TMTC2: variants seen among roughly 807,000 people sequenced by gnomAD.
The protein encoded by TMTC2 is protein O-mannosyl-transferase TMTC2.
In TMTC2, 43 loss-of-function variants were observed where a neutral mutation model predicts 82.4. The observed-to-expected ratio is 0.52, with a 90% CI of 0.41 to 0.67. The LOEUF (loss-of-function observed/expected upper bound fraction) is 0.67, where lower values mean the gene tolerates loss of function less well. Among genes scored for constraint, TMTC2 ranks in the 30% least tolerant of loss-of-function variants. The probability of loss-of-function intolerance (pLI) is 0.00; values close to 1 mark genes in which losing one functional copy is unlikely to be tolerated. For synonymous variants in TMTC2, 408 were observed against 381.9 expected, an observed-to-expected ratio of 1.07 and a Z score of -0.80; for missense variants, 919 against 1,012.4, an observed-to-expected ratio of 0.91 and a Z score of 1.25.
intron 2 of TMTC2, among the ~76,000 whole-genome samples, chr12:82,883,605 A>G (rs1030670370): frequency 1.3e-5 from 2 of 152,202 alleles, no homozygotes; most frequent in Non-Finnish European, 2.9e-5. Flanking sequence ...ACTGGAACGC[A>G]TCTCATAATA....
intron 1 of TMTC2, among the ~76,000 whole-genome samples, chr12:82,850,456 T>G (rs1437042087): frequency 6.6e-6 from 1 of 151,924 alleles, no homozygotes; most frequent in Non-Finnish European, 1.5e-5. Flanking sequence ...GGTGGAGTCA[T>G]ATAATGGAGA....
chr12:82,928,540 C>G (rs1370667964), intron 3 of TMTC2, among the ~76,000 whole-genome samples: 1 of 152,074 alleles, frequency 6.6e-6, no homozygotes, highest in Non-Finnish European at 1.5e-5. Flanking sequence ...ATACAATTTT[C>G]TATGGACTCA....
At chr12:82,986,752 G>A (rs1352080692) in intron 8 of TMTC2, among the ~76,000 whole-genome samples, 1 of 152,174 alleles carries the variant, frequency 6.6e-6, no homozygotes, top group Non-Finnish European at 1.5e-5. Context: ...TGAGTATGGA[G>A]CATAAAAAAT....
intron 2 of TMTC2, among the ~76,000 whole-genome samples, chr12:82,858,693 T>C (rs973609758): frequency 2.6e-5 from 4 of 152,236 alleles, no homozygotes; most frequent in Non-Finnish European, 4.4e-5. Flanking sequence ...TGCTGTGCTT[T>C]TTCTCTGCTG....
intron 2 of TMTC2, among the ~76,000 whole-genome samples, chr12:82,876,068 G>GGTATTAGTA (rs1872515843): frequency 1.0e-4 from 10 of 100,084 alleles, no homozygotes; most frequent in African/African-American, 4.7e-4. Context: ...TGGTGGTGGT[G>GGTATTAGTA]ATGATGATGA....
At chr12:82,942,603 C>T (rs766708541) in intron 4 of TMTC2, among the ~76,000 whole-genome samples, 8 of 152,118 alleles carry the variant, frequency 5.3e-5, no homozygotes, top group Non-Finnish European at 1.2e-4. Context: ...ACCAGCTATA[C>T]ATTTGTGAAT....
chr12:82,835,546 T>C (rs1869988070), intron 1 of TMTC2, among the ~76,000 whole-genome samples: 1 of 152,212 alleles, frequency 6.6e-6, no homozygotes, highest in African/African-American at 2.4e-5. Flanking sequence ...GTCATTTAAT[T>C]CTTTCAGGAT....
intron 11 of TMTC2, among the ~76,000 whole-genome samples, chr12:83,114,908 T>G (rs1884706252): frequency 6.6e-6 from 1 of 151,978 alleles, no homozygotes; most frequent in East Asian, 1.9e-4. Context: ...TATAAAAATA[T>G]GTACACATAT....
intron 8 of TMTC2, among the ~76,000 whole-genome samples, chr12:83,027,495 G>A (rs1047094853): frequency 1.3e-4 from 19 of 151,718 alleles, no homozygotes; most frequent in African/African-American, 4.6e-4. Context: ...GTTTGATGTT[G>A]TGTTGTTATA....
rs191420751 is a variant in TMTC2 at position 82,858,990 on chromosome 12, G to T, written c.654+1410G>T. On this transcript the variant is annotated intron_variant, in intron 2 of 11. Coordinates refer to ENST00000321196, the MANE Select transcript of TMTC2 (RefSeq NM_152588.3). ...ATTCCTGCTCTTTGTCCTTAGGGAG[G>T]TTATGATGTATTTGAGGATGCAGGC... Among the ~76,000 whole-genome samples the T allele has an allele frequency of 1.1e-3, 173 of 152,010 alleles. 1 individual carries two copies. Among genetic ancestry groups the T allele is most frequent in the African/African-American group, 4.0e-3 (165 of 41,454 alleles).
At chr12:83,131,375 G>C (rs1885251015) in intron 11 of TMTC2, among the ~76,000 whole-genome samples, 1 of 152,052 alleles carries the variant, frequency 6.6e-6, no homozygotes, top group Admixed American at 6.6e-5. Flanking sequence ...TATTAAACTG[G>C]TGCAACATAA....
chr12:82,997,322 GTC>G (rs1245066457), intron 8 of TMTC2, among the ~76,000 whole-genome samples: 3 of 42,182 alleles, frequency 7.1e-5, no homozygotes, highest in East Asian at 4.2e-4. Flanking sequence ...GTGTGTGTGT[GTC>G]TGTGTGTGTG....
chr12:82,838,423 C>T (rs1218104984), intron 1 of TMTC2, among the ~76,000 whole-genome samples: 1 of 152,184 alleles, frequency 6.6e-6, no homozygotes, highest in Non-Finnish European at 1.5e-5. Flanking sequence ...TGAGTGCACT[C>T]CCTACCATGA....
In TMTC2 at chr12:82,767,737, G is replaced by A. The variant is rs1877055843; in HGVS notation, c.83+80068G>A. 2.6e-5 allele frequency among the ~76,000 whole-genome samples: 4 copies of A among 152,210 alleles called. No individual in the cohort carries two copies. The South Asian group carries it at 8.3e-4, about 32-fold the overall frequency. Reference sequence around the variant, plus strand: ...TTTTTGTCTTTTCTTTGGTACACAGGAAGTTTGTTTTCTACGATTGGTTCT... The same window carrying A: ...TTTTTGTCTTTTCTTTGGTACACAGAAAGTTTGTTTTCTACGATTGGTTCT... On this transcript the variant is annotated intron_variant, in intron 1 of 11. Transcript: ENST00000321196.
At chr12:83,112,357 G>A (rs887459990) in intron 11 of TMTC2, among the ~76,000 whole-genome samples, 2 of 152,104 alleles carry the variant, frequency 1.3e-5, no homozygotes, top group African/African-American at 4.8e-5. Flanking sequence ...AAGAGAGCAT[G>A]CTCATTTAGC....
rs146779610 is a variant in TMTC2, at chr12:82,936,546, G to T, written c.1598+6001G>T. Among the ~76,000 whole-genome samples, 209 of 152,094 alleles carry T rather than the reference G, an allele frequency of 1.4e-3. 1 individual carries two copies. The highest frequency in any genetic ancestry group is 4.8e-3 in the African/African-American group (199 of 41,504). On this transcript the variant is annotated intron_variant, in intron 4 of 11. Transcript: ENST00000321196. Reference sequence around the variant, plus strand: ...ATTAAAGATTTAAACACCATTATCAGATAGGCTTTAGTCTAAGATTTGTGG... The same window carrying T: ...ATTAAAGATTTAAACACCATTATCATATAGGCTTTAGTCTAAGATTTGTGG...
intron 7 of TMTC2, among the ~76,000 whole-genome samples, chr12:82,973,072 A>G (rs375230395): frequency 8.5e-5 from 13 of 152,292 alleles, no homozygotes; most frequent in African/African-American, 3.1e-4. Context: ...TTTTAACTGT[A>G]TGAGATTTGA....
At chr12:82,706,728 A>G (rs116134660) in intron 1 of TMTC2, among the ~76,000 whole-genome samples, 337 of 152,312 alleles carry the variant, frequency 2.2e-3, no homozygotes, top group African/African-American at 7.8e-3. Flanking sequence ...CTTGGTAAGT[A>G]GCTGAATGTG....
At chr12:82,805,467 C>T (rs1273556467) in intron 1 of TMTC2, among the ~76,000 whole-genome samples, 1 of 150,556 alleles carries the variant, frequency 6.6e-6, no homozygotes, top group Non-Finnish European at 1.5e-5. Flanking sequence ...ACTTTTTACA[C>T]CCCTTAGTAA....
Sources: gnomAD v4.1 joint callset for allele counts (sites outside exome capture counted in the v4.1 genomes callset) on GRCh38, gnomAD v4.1.1 for gene constraint, MANE v1.5 for transcripts, NCBI Gene and HGNC (gene_info 2026-07-23, HGNC 2026-07-21) for gene names.